Variants in CACNA1E observed in about 807,000 individuals in gnomAD.
CACNA1E encodes calcium voltage-gated channel subunit alpha1 E, also known as voltage-dependent R-type calcium channel subunit alpha-1E.
A neutral mutation model predicts 259.2 loss-of-function variants in CACNA1E; 40 were observed. That is an observed-to-expected ratio of 0.15 (90% CI 0.12 to 0.20). The LOEUF (loss-of-function observed/expected upper bound fraction) is 0.20. Ranked by LOEUF, CACNA1E falls within the 10% of genes least tolerant of loss-of-function variation. The pLI is 1.00. For missense variants in CACNA1E, 1,874 were observed against 3,040.1 expected (o/e 0.62, Z 9.02); for synonymous variants, 1,104 against 1,138.5 (o/e 0.97, Z 0.61).
chr1:181,456,693 C>T (rs924266637), intron 2 of CACNA1E, among the ~76,000 whole-genome samples: 7 of 152,252 alleles, frequency 4.6e-5, no homozygotes, highest in African/African-American at 1.7e-4. Context: ...CTTATTCAAC[C>T]AGCTTCCCAC....
intron 2 of CACNA1E, among the ~76,000 whole-genome samples, chr1:181,425,823 T>G (rs530036708): frequency 6.6e-6 from 1 of 152,164 alleles, no homozygotes; most frequent in East Asian, 1.9e-4. Flanking sequence ...GCATGCAGGG[T>G]TGGCGTGTGA....
At chr1:181,586,916 G>A (rs540112609) in intron 6 of CACNA1E, among the ~76,000 whole-genome samples, 7 of 152,282 alleles carry the variant, frequency 4.6e-5, no homozygotes, top group Non-Finnish European at 7.4e-5. Flanking sequence ...CATGCTGATG[G>A]GAATGATCCA....
chr1:181,695,954 CTAAT>C (rs1324727694), intron 7 of CACNA1E, among the ~76,000 whole-genome samples: 2 of 152,140 alleles, frequency 1.3e-5, no homozygotes, highest in African/African-American at 4.8e-5. Flanking sequence ...GACCCTGTCT[CTAAT>C]AAATAAATTA....
intron 2 of CACNA1E, among the ~76,000 whole-genome samples, chr1:181,424,314 A>T (rs1658991544): frequency 6.6e-6 from 1 of 152,184 alleles, no homozygotes; most frequent in Non-Finnish European, 1.5e-5. Flanking sequence ...TTGCTTTAAG[A>T]TGATCCTTTG....
chr1:181,697,671 T>A (rs540125207), intron 7 of CACNA1E, among the ~76,000 whole-genome samples: 16 of 152,342 alleles, frequency 1.1e-4, no homozygotes, highest in African/African-American at 3.8e-4. Flanking sequence ...ATGAAAAATA[T>A]AAACAGATAT....
intron 1 of CACNA1E, among the ~76,000 whole-genome samples, chr1:181,382,084 T>C (rs1655495797): frequency 6.6e-6 from 1 of 151,984 alleles, no homozygotes; most frequent in African/African-American, 2.4e-5. Flanking sequence ...GAACAGTAAA[T>C]AGCGAAGGGG....
chr1:181,542,143 G>A (rs1668629499), intron 3 of CACNA1E, among the ~76,000 whole-genome samples: 1 of 152,120 alleles, frequency 6.6e-6, no homozygotes, highest in Admixed American at 6.6e-5. Flanking sequence ...TTAGTCAAGT[G>A]TTCAGATAAC....
intron 1 of CACNA1E, among the ~76,000 whole-genome samples, chr1:181,491,574 C>T (rs1355332360): frequency 6.6e-6 from 1 of 152,218 alleles, no homozygotes; most frequent in African/African-American, 2.4e-5. Flanking sequence ...CCAAATCTCT[C>T]TCATTTACCA....
rs745746461 is a variant in CACNA1E, at chr1:181,733,675, G to C, written c.3187G>C (p.Ala1063Pro). The C allele has an allele frequency of 2.5e-6, 4 of 1,608,610 alleles. No individual in the cohort carries two copies. The Admixed American group carries it at 6.8e-5, about 27-fold the overall frequency. The change falls in exon 21 of 48, where the codon GCC becomes CCC. Residue 1063 changes from alanine to proline, a missense_variant. By Grantham distance (27) the Ala-to-Pro change is conservative. This residue lies in a region of CACNA1E where 476 missense variants were observed against 514.0 expected (regional missense o/e 0.93). Coordinates refer to ENST00000367573, the MANE Select transcript of CACNA1E (RefSeq NM_001205293.3). ...LSCITANTDK[A>P]TTESTSVTVA... is the part of the protein sequence containing the mutation. ...CTGCATCACGGCCAACACGGACAAG[G>C]CCACCACCGAGAGCACCAGCGTCAC...
At chr1:181,596,557 CGTGTGTGTGTGTGTGTGTGTGT>C (rs60302499) in intron 6 of CACNA1E, among the ~76,000 whole-genome samples, 4 of 140,490 alleles carry the variant, frequency 2.8e-5, no homozygotes, top group Admixed American at 7.0e-5. Context: ...CCACCATGTA[CGTGTGTGTGTGTGTGTGTGTGT>C]GTGTGTGTGT....
chr1:181,474,101 C>T (rs1236130576), intron 2 of CACNA1E, among the ~76,000 whole-genome samples: 1 of 151,628 alleles, frequency 6.6e-6, no homozygotes, highest in Non-Finnish European at 1.5e-5. Flanking sequence ...CTTTTTTTTA[C>T]AGCTCCAGAA....
At chr1:181,320,433 G>A (rs1650253562) in intron 1 of CACNA1E, among the ~76,000 whole-genome samples, 1 of 152,158 alleles carries the variant, frequency 6.6e-6, no homozygotes, top group Admixed American at 6.5e-5. Context: ...GCCTCAAAAA[G>A]TGTAGTTACC....
At chr1:181,717,407 T>C in intron 11 of CACNA1E, 105 bp downstream of exon 11, 2 of 899,460 alleles carry the variant, frequency 2.2e-6, no homozygotes, top group Admixed American at 1.8e-5. Flanking sequence ...GGAAAGGTTC[T>C]ACCTCTTCAC....
At chr1:181,357,015 C>G (rs1653500712) in intron 1 of CACNA1E, among the ~76,000 whole-genome samples, 1 of 152,188 alleles carries the variant, frequency 6.6e-6, no homozygotes, top group African/African-American at 2.4e-5. Flanking sequence ...TATTTTACCA[C>G]TAATTGGAGC....
chr1:181,555,032 C>T (rs1195850964), intron 3 of CACNA1E, among the ~76,000 whole-genome samples: 1 of 152,146 alleles, frequency 6.6e-6, no homozygotes, highest in Non-Finnish European at 1.5e-5. Flanking sequence ...CTGAGATGCT[C>T]ATACAGGAGA....
intron 1 of CACNA1E, among the ~76,000 whole-genome samples, chr1:181,505,365 C>CT (rs957368461): frequency 5.3e-5 from 8 of 151,166 alleles, no homozygotes; most frequent in Non-Finnish European, 1.0e-4. Flanking sequence ...TCTCCCTTCT[C>CT]TTTTTTTTTG....
At chr1:181,477,162 C>T (rs559238993) in intron 2 of CACNA1E, among the ~76,000 whole-genome samples, 81 of 151,886 alleles carry the variant, frequency 5.3e-4, no homozygotes, top group African/African-American at 8.9e-4. Context: ...CCTCCCCACC[C>T]CCCAAAACAT....
chr1:181,328,979 T>C (rs775901500), intron 1 of CACNA1E, among the ~76,000 whole-genome samples: 2 of 152,228 alleles, frequency 1.3e-5, no homozygotes, highest in Non-Finnish European at 1.5e-5. Context: ...TAGACCTCTA[T>C]AGTCAATGGC....
intron 6 of CACNA1E, among the ~76,000 whole-genome samples, chr1:181,598,458 C>CTGG (rs1481939119): frequency 6.6e-6 from 1 of 152,094 alleles, no homozygotes. Flanking sequence ...AGATCAGGAC[C>CTGG]TGGGCAGAAG....
Sources: allele counts gnomAD v4.1 joint callset (sites outside exome capture counted in the v4.1 genomes callset), GRCh38; gene constraint gnomAD v4.1.1; regional missense constraint gnomAD v4.1.1; transcripts MANE v1.5; gene names NCBI Gene and HGNC (gene_info 2026-07-23, HGNC 2026-07-21).